Variants in TOP1 observed in about 807,000 individuals in gnomAD.
The protein encoded by TOP1 is DNA topoisomerase 1.
Under a neutral mutation model 111.1 loss-of-function variants are expected in TOP1, and 10 were observed. The observed-to-expected ratio is 0.09, with a 90% CI of 0.06 to 0.15. TOP1 has a LOEUF of 0.15. Ranked by LOEUF, TOP1 falls within the 10% of genes least tolerant of loss-of-function variation. The probability of loss-of-function intolerance (pLI) is 1.00; values close to 1 mark genes in which losing one functional copy is unlikely to be tolerated. For missense variants in TOP1, 474 were observed against 926.7 expected (o/e 0.51, Z 6.34); for synonymous variants, 271 against 302.9 (o/e 0.89, Z 1.10).
rs181925238 is a variant in TOP1, at chr20:41,071,303, A to G, written c.156-4868A>G. ...ATCATAGACCAAAGGTTTTGCTGTC[A>G]TCACTTTAAAAATAGTGTAAGTTAT... On this transcript the variant is annotated intron_variant, in intron 3 of 20. Transcript: ENST00000361337. The surrounding 1 kb of genome is among the most constrained non-coding windows in gnomAD (Gnocchi z 4.3). 1.8e-3 allele frequency among the ~76,000 whole-genome samples: 272 copies of G among 152,176 alleles called. No individual in the cohort carries two copies. The highest frequency in any genetic ancestry group is 6.4e-3 in the African/African-American group (265 of 41,522).
intron 4 of TOP1, among the ~76,000 whole-genome samples, chr20:41,077,031 C>A (rs1194245724): frequency 6.6e-6 from 1 of 152,080 alleles, no homozygotes; most frequent in Non-Finnish European, 1.5e-5. Context: ...GGGAGGGGGT[C>A]ATGAGTATAC....
rs2034337478 is a variant in TOP1, at chr20:41,116,789, CAT to C, written c.1822+398_1822+399del. Among the ~76,000 whole-genome samples the C allele has an allele frequency of 6.6e-6, 1 of 152,122 alleles. No homozygotes were observed. Among genetic ancestry groups the C allele is most frequent in the Non-Finnish European group, 1.5e-5 (1 of 68,008 alleles). On this transcript the variant is annotated intron_variant, in intron 17 of 20. Transcript: ENST00000361337. The surrounding 1 kb of genome is among the most constrained non-coding windows in gnomAD (Gnocchi z 5.6). Reference sequence around the variant, plus strand: ...CAAGTCCTTTCCTTGAGGTTTCTGTCATTTTTTTCCCATAAGAGAGTAGATAC... The same window carrying C: ...CAAGTCCTTTCCTTGAGGTTTCTGTCTTTTTTCCCATAAGAGAGTAGATAC...
chr20:41,084,078 C>T (rs943770394), intron 7 of TOP1, among the ~76,000 whole-genome samples: 5 of 152,054 alleles, frequency 3.3e-5, no homozygotes, highest in South Asian at 2.1e-4. Flanking sequence ...CCCGTCTAGC[C>T]GTTATTTGAT....
At chr20:41,088,665 A>T (rs1053583573) in intron 8 of TOP1, among the ~76,000 whole-genome samples, 5 of 151,996 alleles carry the variant, frequency 3.3e-5, no homozygotes, top group African/African-American at 4.8e-5. Context: ...ATATATATAT[A>T]TTTTCTCTAT....
chr20:41,106,642 G>A lies in TOP1; in HGVS notation c.1308+5289G>A, dbSNP rs2034150137. Reference sequence around the variant, plus strand: ...ATTCTTATTTTTAAGTGATCTTATAGTTTTTATTGCTAATGTGAATGAGAT... The same window carrying A: ...ATTCTTATTTTTAAGTGATCTTATAATTTTTATTGCTAATGTGAATGAGAT... On this transcript the variant is annotated intron_variant, in intron 13 of 20. Transcript: ENST00000361337. The surrounding 1 kb of genome is among the most constrained non-coding windows in gnomAD (Gnocchi z 4.3). 6.6e-6 allele frequency among the ~76,000 whole-genome samples: 1 copy of A among 152,032 alleles called. No individual in the cohort carries two copies. Among genetic ancestry groups the A allele is most frequent in the Admixed American group, 6.6e-5 (1 of 15,262 alleles).
Position 41,114,539 on chromosome 20 carries a change from G to A in TOP1, c.1638+384G>A, listed in dbSNP as rs1318217476. On this transcript the variant is annotated intron_variant, in intron 15 of 20. Transcript: ENST00000361337. The surrounding 1 kb of genome is among the most constrained non-coding windows in gnomAD (Gnocchi z 4.5). ...CCCTGTGCTACCTTCCTGGTAAGGA[G>A]TGGCCTTCTCCTATAGCAGTATTCA... Among the ~76,000 whole-genome samples, 1 of 152,246 alleles carries A rather than the reference G, an allele frequency of 6.6e-6. No individual in the cohort carries two copies. Among genetic ancestry groups the A allele is most frequent in the African/African-American group, 2.4e-5 (1 of 41,458 alleles).
intron 2 of TOP1, among the ~76,000 whole-genome samples, chr20:41,049,431 T>A (rs2033374667): frequency 6.6e-6 from 1 of 152,250 alleles, no homozygotes. Flanking sequence ...AAGACCACAC[T>A]TTGCAAAATA....
At chr20:41,105,847 A>G (rs1399975871) in intron 13 of TOP1, among the ~76,000 whole-genome samples, 1 of 152,174 alleles carries the variant, frequency 6.6e-6, no homozygotes, top group Non-Finnish European at 1.5e-5. Context: ...TCTTGCCCTC[A>G]TAAACAGTGC....
intron 3 of TOP1, among the ~76,000 whole-genome samples, chr20:41,074,845 C>T (rs1282485396): frequency 2.0e-5 from 3 of 152,216 alleles, no homozygotes; most frequent in African/African-American, 7.2e-5. Context: ...CCTTAACTGC[C>T]TGTCCCAGTG....
intron 9 of TOP1, among the ~76,000 whole-genome samples, chr20:41,096,343 C>T (rs568661127): frequency 4.0e-4 from 61 of 152,342 alleles, no homozygotes; most frequent in African/African-American, 1.3e-3. Context: ...GCTGGGATTA[C>T]AGGCATGAGC....
intron 2 of TOP1, among the ~76,000 whole-genome samples, chr20:41,051,676 T>C (rs2033407521): frequency 6.6e-6 from 1 of 152,002 alleles, no homozygotes; most frequent in Non-Finnish European, 1.5e-5. Flanking sequence ...GTTGTTAGAG[T>C]AGGCCACAGT....
In TOP1 at chr20:41,106,896, T is replaced by A. The variant is rs2034155882; in HGVS notation, c.1308+5543T>A. 6.6e-6 allele frequency among the ~76,000 whole-genome samples: 1 copy of A among 152,182 alleles called. No individual in the cohort carries two copies. The highest frequency in any genetic ancestry group is 1.5e-5 in the Non-Finnish European group (1 of 68,030). ...TCATATATTTCATATTTCTTTAAGT[T>A]TTAATTTTTATTTTTAAACACAATT... On this transcript the variant is annotated intron_variant, in intron 13 of 20. Transcript: ENST00000361337. This position sits in a 1 kb window ranked among gnomAD's most constrained non-coding sequence, Gnocchi z 4.3.
Position 41,029,344 on chromosome 20 carries a change from G to A in TOP1, c.34-87G>A. The A allele has an allele frequency of 1.6e-6, 2 of 1,267,486 alleles. No individual in the cohort carries two copies. The highest frequency in any genetic ancestry group is 2.8e-5 in the East Asian group (1 of 35,280). 78.5% of individuals were successfully genotyped at this position (1,267,486 alleles called of 1,614,324 possible). The stretch of plus-strand genomic sequence containing the variant: ...GGTCCCCGTCCTCCCCGGGGGCGCA[G>A]GGTGAGCCAGACCCCGGCCGCGCGC... On this transcript the variant is annotated intron_variant, in intron 1 of 20. Coordinates refer to ENST00000361337, the MANE Select transcript of TOP1 (RefSeq NM_003286.4). This position sits in a 1 kb window ranked among gnomAD's most constrained non-coding sequence, Gnocchi z 6.1.
At chr20:41,052,238 G>T (rs867078324) in intron 2 of TOP1, among the ~76,000 whole-genome samples, 1 of 152,168 alleles carries the variant, frequency 6.6e-6, no homozygotes, top group Non-Finnish European at 1.5e-5. Flanking sequence ...GCACTGGTCT[G>T]CTTTCTCCAG....
At chr20:41,066,186 A>T (rs1264617401) in intron 3 of TOP1, among the ~76,000 whole-genome samples, 1 of 152,206 alleles carries the variant, frequency 6.6e-6, no homozygotes, top group Non-Finnish European at 1.5e-5. Context: ...AAGATACAGT[A>T]AAAGTGACAT....
Position 41,100,278 on chromosome 20 carries a change from G to A in TOP1, c.1163+35G>A, listed in dbSNP as rs761794260. 5 of 1,566,174 alleles carry A rather than the reference G, an allele frequency of 3.2e-6. 1 individual carries two copies. Among genetic ancestry groups the A allele is most frequent in the Non-Finnish European group, 4.4e-6 (5 of 1,145,176 alleles). ...CACTTCATCCTATGGGCCAAAAAGG[G>A]GGTGGAGGGCGTCCTTTATTGTACT... On this transcript the variant is annotated intron_variant, in intron 12 of 20. Coordinates refer to ENST00000361337, the MANE Select transcript of TOP1 (RefSeq NM_003286.4). The surrounding 1 kb of genome is among the most constrained non-coding windows in gnomAD (Gnocchi z 4.4).
At chr20:41,050,110 G>A (rs747364937) in intron 2 of TOP1, among the ~76,000 whole-genome samples, 30 of 152,130 alleles carry the variant, frequency 2.0e-4, no homozygotes, top group Non-Finnish European at 3.2e-4. Context: ...CTCCGCCTCC[G>A]GGTTCAAGTG....
At chr20:41,059,456 A>ATAAATAAG (rs1475825044) in intron 2 of TOP1, among the ~76,000 whole-genome samples, 1 of 146,500 alleles carries the variant, frequency 6.8e-6, no homozygotes, top group African/African-American at 2.5e-5. Flanking sequence ...AAATAAATAA[A>ATAAATAAG]TAAGGTGGTG....
At chr20:41,040,754 C>T (rs1003750687) in intron 2 of TOP1, among the ~76,000 whole-genome samples, 12 of 142,020 alleles carry the variant, frequency 8.4e-5, no homozygotes, top group Non-Finnish European at 1.2e-4. Flanking sequence ...TGCAATGAGC[C>T]GAGATGGCAC....
Sources: gnomAD v4.1 joint callset for allele counts (sites outside exome capture counted in the v4.1 genomes callset) on GRCh38, gnomAD v4.1.1 for gene constraint, Gnocchi (gnomAD v3.1) non-coding constraint, MANE v1.5 for transcripts, NCBI Gene and HGNC (gene_info 2026-07-23, HGNC 2026-07-21) for gene names.